The following ASB3 variants were observed in gnomAD, a reference collection of about 807,000 sequenced individuals.
The protein encoded by ASB3 is ankyrin repeat and SOCS box containing 3.
ASB3 carries 41 observed loss-of-function variants against 54.5 expected under a neutral mutation model. The observed-to-expected ratio is 0.75, with a 90% confidence interval of 0.59 to 0.98. The LOEUF is 0.98. Ranked by LOEUF, ASB3 falls within the 50% of genes least tolerant of loss-of-function variation. The probability of loss-of-function intolerance (pLI) is 0.00; values close to 1 mark genes in which losing one functional copy is unlikely to be tolerated. For missense variants in ASB3, 733 were observed against 620.0 expected (o/e 1.18, Z -1.94); for synonymous variants, 266 against 221.2 (o/e 1.20, Z -1.80).
At chr2:53,672,336 C>A (rs1350285185) in intron 9 of ASB3, among the ~76,000 whole-genome samples, 1 of 152,110 alleles carries the variant, frequency 6.6e-6, no homozygotes, top group Non-Finnish European at 1.5e-5. Context: ...ATATCCATAT[C>A]TTACTTAAAT....
chr2:53,696,792 T>C (rs911496223), intron 8 of ASB3, among the ~76,000 whole-genome samples: 1 of 152,132 alleles, frequency 6.6e-6, no homozygotes, highest in African/African-American at 2.4e-5. Flanking sequence ...TATAAGGCAT[T>C]AGGTATTATA....
chr2:53,780,697 G>A (rs1358169641), intron 1 of ASB3, among the ~76,000 whole-genome samples: 1 of 152,110 alleles, frequency 6.6e-6, no homozygotes, highest in African/African-American at 2.4e-5. Flanking sequence ...AGGATCTCTT[G>A]AGCCCAGAAG....
intron 2 of ASB3, among the ~76,000 whole-genome samples, chr2:53,758,438 C>A (rs1417717922): frequency 1.3e-5 from 2 of 152,196 alleles, no homozygotes; most frequent in African/African-American, 4.8e-5. Flanking sequence ...CAAAAGGTTA[C>A]CTACACCCTC....
At chr2:53,696,158 T>G (rs937744538) in intron 8 of ASB3, among the ~76,000 whole-genome samples, 2 of 152,176 alleles carry the variant, frequency 1.3e-5, no homozygotes, top group African/African-American at 2.4e-5. Flanking sequence ...AAGTTAAATT[T>G]TCCACTGTAT....
chr2:53,729,442 TA>T lies in ASB3; in HGVS notation c.468+15del, dbSNP rs778122815. The T allele has an allele frequency of 6.2e-7, 1 of 1,611,562 alleles. No individual in the cohort carries two copies. Among genetic ancestry groups the T allele is most frequent in the Admixed American group, 1.7e-5 (1 of 59,912 alleles). ...CACAATTTACATGGAAATGAAATAA[TA>T]AATTCAGAGGTTACCTGAAAAGAAG... On this transcript the variant is annotated intron_variant, in intron 4 of 9. Transcript: ENST00000263634.
At chr2:53,725,479 T>A (rs1223382676) in intron 5 of ASB3, among the ~76,000 whole-genome samples, 4 of 152,218 alleles carry the variant, frequency 2.6e-5, no homozygotes, top group Non-Finnish European at 5.9e-5. Context: ...ATCACAAATC[T>A]AATTAAATTA....
intron 7 of ASB3, among the ~76,000 whole-genome samples, chr2:53,705,853 T>C (rs1669739543): frequency 6.6e-6 from 1 of 152,174 alleles, no homozygotes; most frequent in African/African-American, 2.4e-5. Flanking sequence ...TATTTGTAAA[T>C]TACAAAAGCT....
chr2:53,744,918 C>A (rs1437557170), intron 3 of ASB3, among the ~76,000 whole-genome samples: 2 of 152,126 alleles, frequency 1.3e-5, no homozygotes, highest in Non-Finnish European at 2.9e-5. Flanking sequence ...ACATTCTGTT[C>A]TTATTAAATA....
chr2:53,692,210 G>A (rs17045109), intron 9 of ASB3, among the ~76,000 whole-genome samples: 6,391 of 152,158 alleles, frequency 0.042, 390 homozygotes, highest in East Asian at 0.29. Flanking sequence ...AGCTTCCAGT[G>A]TTAACTCGCT....
At chr2:53,689,902 G>C (rs1225916889) in intron 9 of ASB3, among the ~76,000 whole-genome samples, 2 of 152,082 alleles carry the variant, frequency 1.3e-5, no homozygotes. Flanking sequence ...TTCTTAGGTA[G>C]TATAACTTTG....
chr2:53,742,718 G>C (rs1057448461), intron 3 of ASB3, among the ~76,000 whole-genome samples: 5 of 141,816 alleles, frequency 3.5e-5, no homozygotes, highest in Non-Finnish European at 7.6e-5. Context: ...CATTTCTGAA[G>C]AGGAACATAG....
intron 7 of ASB3, among the ~76,000 whole-genome samples, chr2:53,707,898 G>A (rs1669874638): frequency 6.7e-6 from 1 of 149,724 alleles, no homozygotes; most frequent in Non-Finnish European, 1.5e-5. Flanking sequence ...GGAGGTGGTG[G>A]TTGCAGTGAG....
chr2:53,716,327 G>A (rs781340629), intron 6 of ASB3, among the ~76,000 whole-genome samples: 2 of 152,062 alleles, frequency 1.3e-5, no homozygotes, highest in African/African-American at 2.4e-5. Context: ...TCAACACCCC[G>A]AGAAAGTCCC....
At chr2:53,778,750 C>T (rs1261247668) in intron 1 of ASB3, among the ~76,000 whole-genome samples, 2 of 152,202 alleles carry the variant, frequency 1.3e-5, no homozygotes, top group African/African-American at 2.4e-5. Flanking sequence ...TATTCCACTA[C>T]GTATGTACAC....
chr2:53,773,989 C>T (rs949183212), intron 1 of ASB3, among the ~76,000 whole-genome samples: 7 of 152,096 alleles, frequency 4.6e-5, no homozygotes, highest in Admixed American at 2.0e-4. Context: ...AGGCCACGAT[C>T]GTGCCACTGC....
At chr2:53,705,180 G>A (rs1669702876) in intron 7 of ASB3, among the ~76,000 whole-genome samples, 1 of 152,110 alleles carries the variant, frequency 6.6e-6, no homozygotes, top group Non-Finnish European at 1.5e-5. Context: ...CAGATATTTT[G>A]AGGTTTTGAC....
chr2:53,731,309 G>C (rs1213431334), intron 3 of ASB3, among the ~76,000 whole-genome samples: 1 of 152,154 alleles, frequency 6.6e-6, no homozygotes, highest in Non-Finnish European at 1.5e-5. Flanking sequence ...GGCTGAGGCA[G>C]GAGAATCGCT....
chr2:53,742,430 A>G (rs1012020270), intron 3 of ASB3, among the ~76,000 whole-genome samples: 4 of 152,192 alleles, frequency 2.6e-5, no homozygotes, highest in African/African-American at 9.7e-5. Flanking sequence ...AAAACAATAG[A>G]CCAACAACAA....
chr2:53,716,240 C>T (rs1393933283), intron 6 of ASB3, among the ~76,000 whole-genome samples: 2 of 152,132 alleles, frequency 1.3e-5, no homozygotes, highest in East Asian at 1.9e-4. Context: ...CAGATTGATG[C>T]TTAAAGATGC....
Sources: allele counts gnomAD v4.1 joint callset (sites outside exome capture counted in the v4.1 genomes callset), GRCh38; gene constraint gnomAD v4.1.1; transcripts MANE v1.5; gene names NCBI Gene and HGNC (gene_info 2026-07-23, HGNC 2026-07-21).